The following SAMD5 variants were observed in gnomAD, a reference collection of about 807,000 sequenced individuals.
SAMD5 encodes sterile alpha motif domain-containing protein 5.
Under a neutral mutation model 11.3 loss-of-function variants are expected in SAMD5, and 13 were observed. The observed-to-expected ratio is 1.15, with a 90% CI of 0.75 to 1.83. The LOEUF is 1.83. Ranked by LOEUF, SAMD5 falls within the 40% of genes most tolerant of loss-of-function variation. The pLI is 0.00. For missense variants in SAMD5, 255 were observed against 239.1 expected (o/e 1.07, Z -0.44); for synonymous variants, 129 against 111.3 (o/e 1.16, Z -1.00).
At chr6:147,775,852 A>G in the SAMD5 span, among the ~76,000 whole-genome samples, 1 of 152,160 alleles carries the variant, frequency 6.6e-6, no homozygotes, top group Non-Finnish European at 1.5e-5. Context: ...AACCTCTCTC[A>G]GCCTTGGTTG....
At chr6:147,723,678 A>G (rs1791586350) in intron 1 of SAMD5, among the ~76,000 whole-genome samples, 1 of 152,172 alleles carries the variant, frequency 6.6e-6, no homozygotes, top group Non-Finnish European at 1.5e-5. Flanking sequence ...TCAGTCTTTA[A>G]GAATTCATAA....
At chr6:147,818,638 C>CACTAAT in the SAMD5 span, among the ~76,000 whole-genome samples, 1 of 152,110 alleles carries the variant, frequency 6.6e-6, no homozygotes, top group Non-Finnish European at 1.5e-5. Flanking sequence ...CTAGGAAAAT[C>CACTAAT]ACTAATTGTA....
At chr6:147,609,705 C>T (rs569234690) in intron 1 of SAMD5, among the ~76,000 whole-genome samples, 251 of 152,072 alleles carry the variant, frequency 1.7e-3, no homozygotes, top group African/African-American at 5.7e-3. Flanking sequence ...TACAGGCGCC[C>T]GCCACCACGC....
At chr6:147,921,492 C>T in the SAMD5 span, among the ~76,000 whole-genome samples, 1 of 152,170 alleles carries the variant, frequency 6.6e-6, no homozygotes, top group Non-Finnish European at 1.5e-5. Context: ...CTCATGACTA[C>T]ACTAGTGTCA....
intron 1 of SAMD5, among the ~76,000 whole-genome samples, chr6:147,623,927 T>C (rs1790010023): frequency 6.6e-6 from 1 of 152,200 alleles, no homozygotes; most frequent in African/African-American, 2.4e-5. Flanking sequence ...TCGAGTGCAG[T>C]GGTGCCATCT....
chr6:147,930,727 G>A, the SAMD5 span, among the ~76,000 whole-genome samples: 35,570 of 151,954 alleles, frequency 0.23, 4,665 homozygotes, highest in African/African-American at 0.34. Flanking sequence ...CCCAGAGTCC[G>A]AAGGCCAAAG....
At chr6:147,765,243 T>C in the SAMD5 span, among the ~76,000 whole-genome samples, 1 of 152,234 alleles carries the variant, frequency 6.6e-6, no homozygotes, top group Non-Finnish European at 1.5e-5. Context: ...GAACTCTCCT[T>C]TGTTAGCTCT....
At chr6:147,678,413 A>G (rs1477879354) in intron 1 of SAMD5, among the ~76,000 whole-genome samples, 1 of 152,242 alleles carries the variant, frequency 6.6e-6, no homozygotes, top group Non-Finnish European at 1.5e-5. Context: ...TGAATGCTTC[A>G]TAACAACCAA....
intron 1 of SAMD5, among the ~76,000 whole-genome samples, chr6:147,580,838 G>A (rs542869640): frequency 6.0e-5 from 9 of 149,272 alleles, no homozygotes; most frequent in East Asian, 2.0e-4. Flanking sequence ...TAATTCTCAC[G>A]TAGTTCTAGG....
intron 1 of SAMD5, among the ~76,000 whole-genome samples, chr6:147,618,594 C>T (rs1789909595): frequency 6.6e-6 from 1 of 152,174 alleles, no homozygotes; most frequent in African/African-American, 2.4e-5. Flanking sequence ...GTGACTGTCA[C>T]CTCTGTGTAA....
At chr6:147,791,289 C>CAAAT in the SAMD5 span, among the ~76,000 whole-genome samples, 1,542 of 151,680 alleles carry the variant, frequency 0.01, 21 homozygotes, top group Middle Eastern at 0.041. Flanking sequence ...GACCCCGTCT[C>CAAAT]AAATAAATAA....
At chr6:147,509,583 A>G (rs1788056272) in intron 1 of SAMD5, among the ~76,000 whole-genome samples, 196 bp downstream of exon 1, 1 of 152,050 alleles carries the variant, frequency 6.6e-6, no homozygotes, top group Non-Finnish European at 1.5e-5. Context: ...AGTGGTTGGT[A>G]AGACAAGCCC....
the SAMD5 span, among the ~76,000 whole-genome samples, chr6:147,814,258 G>A: frequency 6.6e-6 from 1 of 152,212 alleles, no homozygotes; most frequent in East Asian, 1.9e-4. Flanking sequence ...GTAAATGTAT[G>A]TGTGTATTTG....
chr6:147,702,448 A>G (rs1791267540), intron 1 of SAMD5, among the ~76,000 whole-genome samples: 1 of 152,220 alleles, frequency 6.6e-6, no homozygotes, highest in East Asian at 1.9e-4. Flanking sequence ...AAGGGGTGAC[A>G]TATGTTTGAA....
the SAMD5 span, among the ~76,000 whole-genome samples, chr6:147,947,047 A>G: frequency 6.6e-6 from 1 of 151,344 alleles, no homozygotes; most frequent in East Asian, 1.9e-4. Flanking sequence ...GGTCTCGTTT[A>G]CGGGGCAAAT....
intron 1 of SAMD5, among the ~76,000 whole-genome samples, chr6:147,663,623 T>TA (rs11300161): frequency 1.6e-4 from 24 of 147,490 alleles, no homozygotes; most frequent in Admixed American, 3.4e-4. Context: ...CTGTGTCTAC[T>TA]AAAAAAAAAA....
chr6:147,820,051 G>A, the SAMD5 span, among the ~76,000 whole-genome samples: 2 of 152,164 alleles, frequency 1.3e-5, no homozygotes, highest in Admixed American at 6.5e-5. Flanking sequence ...ATGGGAGGTC[G>A]GGTGTGGGGG....
At chr6:147,547,423 T>C (rs898203960) in intron 1 of SAMD5, among the ~76,000 whole-genome samples, 6 of 152,332 alleles carry the variant, frequency 3.9e-5, no homozygotes, top group African/African-American at 1.2e-4. Context: ...GGAGAATTCC[T>C]TGCAGCTACA....
intron 1 of SAMD5, chr6:147,730,048 G>T (rs1282123862): frequency 2.0e-5 from 8 of 391,532 alleles, no homozygotes; most frequent in Non-Finnish European, 3.9e-5. Context: ...TCATGCCATT[G>T]TACTCCAGCC....
Sources: allele counts gnomAD v4.1 joint callset (sites outside exome capture counted in the v4.1 genomes callset), GRCh38; gene constraint gnomAD v4.1.1; transcripts MANE v1.5; gene names NCBI Gene and HGNC (gene_info 2026-07-23, HGNC 2026-07-21).